Variants in CCDC97 observed in about 807,000 individuals in gnomAD.
CCDC97 encodes coiled-coil domain-containing protein 97.
A neutral mutation model predicts 33.9 loss-of-function variants in CCDC97; 27 were observed. The ratio of observed to expected loss-of-function variants is 0.80; its 90% CI spans 0.59 to 1.10. The LOEUF (loss-of-function observed/expected upper bound fraction) is 1.10, where lower values mean the gene tolerates loss of function less well. Among genes scored for constraint, CCDC97 ranks in the 50% least tolerant of loss-of-function variants. The pLI is 0.00. For synonymous variants in CCDC97, 217 were observed against 194.0 expected (o/e 1.12, Z -0.99); for missense variants, 422 against 476.6 (o/e 0.89, Z 1.07).
intron 1 of CCDC97, among the ~76,000 whole-genome samples, chr19:41,313,691 G>A (rs1034899703): frequency 2.6e-5 from 4 of 152,006 alleles, no homozygotes; most frequent in African/African-American, 7.2e-5. Flanking sequence ...CCAGCGCTCC[G>A]CTTTCCTGTT....
intron 1 of CCDC97, among the ~76,000 whole-genome samples, chr19:41,313,684 G>A (rs961175499): frequency 2.6e-5 from 4 of 152,122 alleles, no homozygotes; most frequent in African/African-American, 9.7e-5. Context: ...GGTTTGCCCA[G>A]CGCTCCGCTT....
intron 4 of CCDC97, 43 bp from the exon 5 acceptor site, chr19:41,322,552 G>A (rs2037834688): frequency 6.2e-7 from 1 of 1,600,852 alleles, no homozygotes; most frequent in Non-Finnish European, 8.5e-7. Context: ...GCATCCGAGG[G>A]TCCCAGGGAG....
In CCDC97 at chr19:41,322,647, G is replaced by A. The variant is rs778884190; in HGVS notation, c.964G>A (p.Glu322Lys). Residue 322 changes from glutamate (E) to lysine (K), a missense_variant, in exon 5 of 5, where the codon GAG becomes AAG. Coordinates refer to ENST00000269967, the MANE Select transcript of CCDC97 (RefSeq NM_052848.3). ...FDNLDIVARDEEERYFDEEEP... is the reference protein window; with the variant it reads ...FDNLDIVARDKEERYFDEEEP... The stretch of plus-strand genomic sequence containing the variant: ...CAACCTCGACATCGTGGCACGGGAT[G>A]AGGAGGAGAGGTACTTTGATGAGGA... 1 of 1,613,612 alleles carries A rather than the reference G, an allele frequency of 6.2e-7. No homozygotes were observed. Among genetic ancestry groups the A allele is most frequent in the African/African-American group, 1.3e-5 (1 of 74,936 alleles).
chr19:41,320,237 C>A, intron 3 of CCDC97, 104 bp from the exon 4 acceptor site: 1 of 1,496,072 alleles, frequency 6.7e-7, no homozygotes, highest in South Asian at 1.2e-5. Context: ...CCAGAGCCAC[C>A]CAGCGCAAGG....
chr19:41,316,934 A>G lies in CCDC97; in HGVS notation c.502+95A>G, dbSNP rs1418070319. On this transcript the variant is annotated intron_variant, in intron 2 of 4. Coordinates refer to ENST00000269967, the MANE Select transcript of CCDC97 (RefSeq NM_052848.3). The stretch of plus-strand genomic sequence containing the variant: ...GAGAAAAGAATACAAGAGCAGAGAC[A>G]GAGATCCTGGGAGAGAAGTTCTGAG... 5 of 994,134 alleles carry G rather than the reference A, an allele frequency of 5.0e-6. No homozygotes were observed. In the East Asian group the frequency reaches 1.0e-4, roughly 21 times the overall value. 61.6% of individuals were successfully genotyped at this position (994,134 alleles called of 1,614,324 possible).
chr19:41,319,195 G>C (rs1282394556), intron 2 of CCDC97, among the ~76,000 whole-genome samples: 1 of 152,254 alleles, frequency 6.6e-6, no homozygotes, highest in Non-Finnish European at 1.5e-5. Context: ...ACACATGCTT[G>C]GATGCATGAA....
At position 41,316,530 on chromosome 19, in the gene CCDC97, G is replaced by A. The variant is rs1273103442; in HGVS notation, c.193G>A (p.Ala65Thr). ...CGGGGCTGAAAATGCAGCAGTGAGT[G>A]CTATGCTGCACGCTGTAGCCGCCAG... ...TSGAENAAVS[A>T]MLHAVAASRL... The change falls in exon 2 of 5, where the codon GCT becomes ACT. Residue 65 changes from alanine to threonine, a missense_variant. By Grantham distance (58) the Ala-to-Thr change is moderately conservative (BLOSUM62 0). Transcript: ENST00000269967. 3.1e-6 allele frequency: 5 copies of A among 1,614,218 alleles called. No homozygotes were observed. The highest frequency in any genetic ancestry group is 4.2e-6 in the Non-Finnish European group (5 of 1,180,014).
At chr19:41,314,101 G>A (rs1023572940) in intron 1 of CCDC97, among the ~76,000 whole-genome samples, 11 of 152,154 alleles carry the variant, frequency 7.2e-5, no homozygotes, top group African/African-American at 2.6e-4. Flanking sequence ...TTCATCCTAT[G>A]GATCCTCAGC....
At chr19:41,311,593 C>T (rs1054256965) in intron 1 of CCDC97, among the ~76,000 whole-genome samples, 3 of 152,068 alleles carry the variant, frequency 2.0e-5, no homozygotes, top group Admixed American at 1.3e-4. Context: ...ATTAGCCAGG[C>T]GTCGTGGTAT....
chr19:41,316,415 T>C lies in CCDC97; in HGVS notation c.78T>C (p.Gly26=). ...GCIEPGPGHW[G]ELSRTPVPSK... The stretch of plus-strand genomic sequence containing the variant: ...TAGAGCCTGGACCTGGGCACTGGGG[T>C]GAGCTGAGCCGGACACCAGTCCCAT... Residue 26 remains glycine, a synonymous_variant, in exon 2 of 5, where the codon GGT becomes GGC. Coordinates refer to ENST00000269967, the MANE Select transcript of CCDC97 (RefSeq NM_052848.3). 1 of 1,613,336 alleles carries C rather than the reference T, an allele frequency of 6.2e-7. No homozygotes were observed. The highest frequency in any genetic ancestry group is 2.2e-5 in the East Asian group (1 of 44,826).
rs1555749463 is a variant in CCDC97, at chr19:41,310,332, A to ACGGCGACGGCGG, written c.27_28insACGGCGGCGGCG (p.Ala9_Ala10insThrAlaAlaAla). On this transcript the variant is annotated inframe_insertion, in exon 1 of 5. Transcript: ENST00000269967. ...CAGGATGGAGGCCGTGGCGACGGCG[A>ACGGCGACGGCGG]CGGCGGCGAAGGAACCCGATAAGGG... is the stretch of plus-strand genomic sequence containing the variant. The ACGGCGACGGCGG allele has an allele frequency of 1.8e-5, 29 of 1,606,686 alleles. No homozygotes were observed. In the Middle Eastern group the frequency reaches 5.0e-4, roughly 27 times the overall value.
Position 41,316,858 on chromosome 19 carries a change from C to A in CCDC97, c.502+19C>A. ...ATCCAAGGTGTGGGGGCCAGATGGG[C>A]GACAGTGGGCACATATGGGGAGGGA... On this transcript the variant is annotated intron_variant, in intron 2 of 4. Coordinates refer to ENST00000269967, the MANE Select transcript of CCDC97 (RefSeq NM_052848.3). 1 of 1,552,056 alleles carries A rather than the reference C, an allele frequency of 6.4e-7. No individual in the cohort carries two copies. Among genetic ancestry groups the A allele is most frequent in the Non-Finnish European group, 8.8e-7 (1 of 1,138,362 alleles).
intron 1 of CCDC97, among the ~76,000 whole-genome samples, chr19:41,314,489 TGAGA>T (rs747884607): frequency 9.2e-5 from 14 of 152,344 alleles, no homozygotes; most frequent in Non-Finnish European, 2.1e-4. Context: ...CATGAATGCA[TGAGA>T]GAGTGAATGA....
At position 41,319,644 on chromosome 19, in the gene CCDC97, G is replaced by A. The variant is rs369747565; in HGVS notation, c.573G>A (p.Gln191=). The change falls in exon 3 of 5, where the codon CAG becomes CAA. Residue 191 remains glutamine (Q), a synonymous_variant. Coordinates refer to ENST00000269967, the MANE Select transcript of CCDC97 (RefSeq NM_052848.3). ...TGCTATATGAGCAGTACATCGGGCA[G>A]TATCTCACCCAGGAGGAGCTCAGTG... ...APLLYEQYIG[Q]YLTQEELSAR... 12 of 1,613,980 alleles carry A rather than the reference G, an allele frequency of 7.4e-6. No individual in the cohort carries two copies. Among genetic ancestry groups the A allele is most frequent in the Non-Finnish European group, 1.0e-5 (12 of 1,179,980 alleles).
At chr19:41,321,926 C>T (rs958924852) in intron 4 of CCDC97, among the ~76,000 whole-genome samples, 2 of 152,194 alleles carry the variant, frequency 1.3e-5, no homozygotes, top group African/African-American at 4.8e-5. Flanking sequence ...TGGCTAATCC[C>T]GGCCTCTATC....
intron 1 of CCDC97, chr19:41,310,723 G>T: frequency 9.1e-7 from 1 of 1,094,934 alleles, no homozygotes; most frequent in Non-Finnish European, 1.1e-6. Context: ...ACCAAGCTGA[G>T]CCTTCCCTTG....
rs1319078697 is a variant in CCDC97 at position 41,322,803 on chromosome 19, G to A, written c.*88G>A. 3 of 1,486,756 alleles carry A rather than the reference G, an allele frequency of 2.0e-6. No individual in the cohort carries two copies. Among genetic ancestry groups the A allele is most frequent in the Non-Finnish European group, 2.7e-6 (3 of 1,093,896 alleles). The allele number at this position is 1,486,756 out of a possible 1,614,324, so 92.1% of individuals were successfully genotyped here. A position where few individuals can be genotyped will look rare whatever the true frequency, so the allele number is the denominator to read the frequency against. ...CCTGCTCAGTGACCCTTTCTCTAGG[G>A]GGACATCAGGGCAGTGCCCCACAAC... is the stretch of plus-strand genomic sequence containing the variant. On this transcript the variant is annotated 3_prime_UTR_variant, in exon 5 of 5. Transcript: ENST00000269967.
chr19:41,322,605 G>A lies in CCDC97; in HGVS notation c.922G>A (p.Asp308Asn), dbSNP rs764852698. ...CTCCTCCTCCTGCAGCACAGTAGAC[G>A]ACAACCCCGACTTCGACAACCTCGA... ...DGDFDYSTVDDNPDFDNLDIV... is the reference protein window; with the variant it reads ...DGDFDYSTVDNNPDFDNLDIV... Residue 308 changes from aspartate (D) to asparagine (N), a missense_variant, in exon 5 of 5, where the codon GAC becomes AAC. Asp to Asn is a conservative substitution (Grantham distance 23). Coordinates refer to ENST00000269967, the MANE Select transcript of CCDC97 (RefSeq NM_052848.3). The A allele has an allele frequency of 3.7e-5, 60 of 1,613,404 alleles. No individual in the cohort carries two copies. Among genetic ancestry groups the A allele is most frequent in the Non-Finnish European group, 4.8e-5 (57 of 1,179,702 alleles).
Position 41,323,958 on chromosome 19 carries a change from G to C in CCDC97, c.*1243G>C, listed in dbSNP as rs901489981. 2.6e-5 allele frequency: 4 copies of C among 152,718 alleles called. No individual in the cohort carries two copies. The highest frequency in any genetic ancestry group is 9.6e-5 in the African/African-American group (4 of 41,468). 9.5% of individuals were successfully genotyped at this position (152,718 alleles called of 1,614,324 possible). Reference sequence around the variant, plus strand: ...CTGGCCACTGTTGAGGGGGCACACAGGGCAAGGGTCACCAAGTCGGGGCCT... The same window carrying C: ...CTGGCCACTGTTGAGGGGGCACACACGGCAAGGGTCACCAAGTCGGGGCCT... On this transcript the variant is annotated 3_prime_UTR_variant, in exon 5 of 5. Transcript: ENST00000269967.
Sources: gnomAD v4.1 joint callset for allele counts (sites outside exome capture counted in the v4.1 genomes callset) on GRCh38, gnomAD v4.1.1 for gene constraint, MANE v1.5 for transcripts, NCBI Gene and HGNC (gene_info 2026-07-23, HGNC 2026-07-21) for gene names.